MCOLN2: variants seen among roughly 807,000 people sequenced by gnomAD.
MCOLN2 encodes mucolipin TRP cation channel 2.
MCOLN2 carries 57 observed loss-of-function variants against 67.5 expected under a neutral mutation model. The observed-to-expected ratio is 0.84, with a 90% CI of 0.68 to 1.05. The LOEUF (loss-of-function observed/expected upper bound fraction) is 1.05. Among genes scored for constraint, MCOLN2 ranks in the 50% least tolerant of loss-of-function variants. The probability of loss-of-function intolerance (pLI) is 0.00; values close to 1 mark genes in which losing one functional copy is unlikely to be tolerated. For missense variants in MCOLN2, 620 were observed against 678.8 expected (o/e 0.91, Z 0.96); for synonymous variants, 246 against 233.3 (o/e 1.05, Z -0.50).
chr1:84,964,499 T>C lies in MCOLN2; in HGVS notation c.237+1050A>G, dbSNP rs183305662. On this transcript the variant is annotated intron_variant, in intron 2 of 13. Transcript: ENST00000370608. ...GGGACTGGTTTTGTAGAAGACAATT[T>C]TTCCAGGGACTGGAGTGGGGCAGGA... Among the ~76,000 whole-genome samples the C allele has an allele frequency of 6.0e-3, 859 of 143,850 alleles. 2 individuals are homozygous for C. The highest frequency in any genetic ancestry group is 9.9e-3 in the Non-Finnish European group (653 of 65,648). 94.4% of individuals were successfully genotyped at this position (143,850 alleles called of 152,430 possible).
intron 3 of MCOLN2, among the ~76,000 whole-genome samples, chr1:84,958,037 T>C (rs12129308): frequency 0.28 from 42,832 of 152,180 alleles, 6,505 homozygotes; most frequent in East Asian, 0.37. Flanking sequence ...GGGTTATTAA[T>C]GCTAAAACAT....
intron 2 of MCOLN2, 25 bp downstream of exon 2, chr1:84,965,524 C>A (rs199737158): frequency 1.6e-5 from 25 of 1,605,416 alleles, no homozygotes; most frequent in Non-Finnish European, 2.0e-5. Context: ...AGGGAAAAAC[C>A]AAATGAAATA....
chr1:84,953,053 T>C (rs187138951), intron 4 of MCOLN2, among the ~76,000 whole-genome samples: 1 of 152,234 alleles, frequency 6.6e-6, no homozygotes, highest in Admixed American at 6.5e-5. Context: ...ATTAGGAAAA[T>C]TTATGAAATG....
chr1:84,974,837 C>A (rs1649917727), intron 1 of MCOLN2, among the ~76,000 whole-genome samples: 2 of 152,158 alleles, frequency 1.3e-5, no homozygotes, highest in South Asian at 4.1e-4. Flanking sequence ...GGCCAGACAA[C>A]CTTCATGACA....
chr1:84,975,842 A>G (rs1179051985), intron 1 of MCOLN2, among the ~76,000 whole-genome samples: 1 of 152,134 alleles, frequency 6.6e-6, no homozygotes, highest in Admixed American at 6.6e-5. Flanking sequence ...ACATAATTAA[A>G]AAGAATCTAA....
intron 1 of MCOLN2, among the ~76,000 whole-genome samples, chr1:84,986,181 A>G (rs1201437091): frequency 6.6e-6 from 1 of 152,214 alleles, no homozygotes; most frequent in Non-Finnish European, 1.5e-5. Context: ...AAACAAAACC[A>G]TAAAGTGGGG....
intron 7 of MCOLN2, among the ~76,000 whole-genome samples, chr1:84,943,776 C>T (rs1647927889): frequency 6.6e-6 from 1 of 152,186 alleles, no homozygotes. Flanking sequence ...CGTACTGGTT[C>T]CTGAGGCTGC....
At chr1:84,967,083 A>C (rs1002920434) in intron 1 of MCOLN2, among the ~76,000 whole-genome samples, 3 of 152,232 alleles carry the variant, frequency 2.0e-5, no homozygotes, top group African/African-American at 7.2e-5. Context: ...TGTTGGGTAC[A>C]TAATCAACAA....
chr1:84,938,200 TAG>T (rs528210294), intron 9 of MCOLN2, 118 bp from the exon 10 acceptor site: 15 of 507,132 alleles, frequency 3.0e-5, no homozygotes, highest in South Asian at 2.0e-4. Context: ...CTATAGGTGA[TAG>T]AGTTTTTTTT....
chr1:84,939,633 T>C lies in MCOLN2; in HGVS notation c.1030A>G (p.Asn344Asp). Residue 344 changes from asparagine to aspartate, a missense_variant, in exon 9 of 14, where the codon AAC (asparagine) becomes GAC (aspartate). Transcript: ENST00000370608. ...VCDTDQWEFI[N>D]GWYVLVIISD... The stretch of plus-strand genomic sequence containing the variant: ...ATAATCACCAGGACATACCAGCCGT[T>C]GATGAACTCCCACTGGTCGGTGTCA... 6.2e-7 allele frequency: 1 copy of C among 1,614,058 alleles called. No homozygotes were observed. The highest frequency in any genetic ancestry group is 8.5e-7 in the Non-Finnish European group (1 of 1,179,922).
rs1485889303 is a variant in MCOLN2 at position 84,987,482 on chromosome 1, A to C, written c.77+9314T>G. Among the ~76,000 whole-genome samples the C allele has an allele frequency of 1.0e-3, 18 of 17,672 alleles. 1 individual carries two copies. The highest frequency in any genetic ancestry group is 1.3e-3 in the Non-Finnish European group (9 of 6,784). 11.6% of individuals were successfully genotyped at this position (17,672 alleles called of 152,430 possible). A position where few individuals can be genotyped will look rare whatever the true frequency, so the allele number is the denominator to read the frequency against. On this transcript the variant is annotated intron_variant, in intron 1 of 13. Coordinates refer to ENST00000370608, the MANE Select transcript of MCOLN2 (RefSeq NM_153259.4). Reference sequence around the variant, plus strand: ...TATATGTATATATAGATATATATACATATATACATATGTATACATAGATGT... The same window carrying C: ...TATATGTATATATAGATATATATACCTATATACATATGTATACATAGATGT...
chr1:84,932,386 A>AT (rs915866307), intron 11 of MCOLN2, among the ~76,000 whole-genome samples: 8 of 151,746 alleles, frequency 5.3e-5, no homozygotes, highest in Non-Finnish European at 1.0e-4. Flanking sequence ...TAATTTTTGT[A>AT]TTTTTTTGTA....
chr1:84,947,007 C>T (rs759267221), intron 7 of MCOLN2, 26 bp downstream of exon 7: 7 of 1,049,214 alleles, frequency 6.7e-6, no homozygotes, highest in Non-Finnish European at 1.0e-5. Flanking sequence ...CTATAATTCC[C>T]ATGGGCAAGT....
chr1:84,974,208 C>A (rs1210222041), intron 1 of MCOLN2, among the ~76,000 whole-genome samples: 1 of 152,054 alleles, frequency 6.6e-6, no homozygotes, highest in Non-Finnish European at 1.5e-5. Context: ...ATTTGAAAGG[C>A]AATTTAGGCC....
In MCOLN2 at chr1:84,938,032, G is replaced by C. The variant is rs756084109; in HGVS notation, c.1161C>G (p.Leu387=). The C allele has an allele frequency of 1.2e-6, 2 of 1,613,952 alleles. No homozygotes were observed. The highest frequency in any genetic ancestry group is 2.2e-5 in the South Asian group (2 of 91,062). The change falls in exon 10 of 14, where the codon CTC becomes CTG. Residue 387 remains leucine (L), a synonymous_variant. Coordinates refer to ENST00000370608, the MANE Select transcript of MCOLN2 (RefSeq NM_153259.4). ...ATCTGATGACTCCAACCCAAACCAA[G>C]AGCGTAGAGGTTCCAAGAAAAATGC... ...LCSIFLGTST[L]LVWVGVIRYL...
chr1:84,961,633 G>A (rs189197366), intron 2 of MCOLN2, among the ~76,000 whole-genome samples: 26 of 152,292 alleles, frequency 1.7e-4, no homozygotes, highest in Admixed American at 1.6e-3. Context: ...TCCCTGCAGA[G>A]TAAGAGTAAG....
At chr1:84,950,106 A>G (rs1030888660) in intron 6 of MCOLN2, among the ~76,000 whole-genome samples, 1 of 152,260 alleles carries the variant, frequency 6.6e-6, no homozygotes, top group Non-Finnish European at 1.5e-5. Flanking sequence ...ATTGTAAAAA[A>G]CAAACACAAG....
At chr1:84,928,963 T>TA (rs549064213) in intron 13 of MCOLN2, among the ~76,000 whole-genome samples, 13 of 149,576 alleles carry the variant, frequency 8.7e-5, no homozygotes, top group African/African-American at 2.7e-4. Flanking sequence ...ATAGGCACAT[T>TA]AAAAAAAAAA....
At chr1:84,958,440 A>T in intron 3 of MCOLN2, 89 bp downstream of exon 3, 1 of 1,039,816 alleles carries the variant, frequency 9.6e-7, no homozygotes, top group Non-Finnish European at 1.4e-6. Context: ...GAATATTTTA[A>T]CATGTGTATA....
Sources: allele counts gnomAD v4.1 joint callset (sites outside exome capture counted in the v4.1 genomes callset), GRCh38; gene constraint gnomAD v4.1.1; transcripts MANE v1.5; gene names NCBI Gene and HGNC (gene_info 2026-07-23, HGNC 2026-07-21).